The following ACSM2B variants were observed in gnomAD, a reference collection of about 807,000 sequenced individuals.
The protein encoded by ACSM2B is acyl-CoA synthetase medium chain family member 2B, also known as acyl-coenzyme A synthetase ACSM2B, mitochondrial.
A neutral mutation model predicts 78.6 loss-of-function variants in ACSM2B; 58 were observed. The observed-to-expected ratio is 0.74, with a 90% confidence interval of 0.60 to 0.92. The LOEUF (loss-of-function observed/expected upper bound fraction) is 0.92, where lower values mean the gene tolerates loss of function less well. Ranked by LOEUF, ACSM2B falls within the 40% of genes least tolerant of loss-of-function variation. The pLI, the probability that ACSM2B is intolerant of heterozygous loss-of-function variation, is 0.00. For missense variants in ACSM2B, 688 were observed against 711.2 expected (o/e 0.97, Z 0.37); for synonymous variants, 257 against 256.8 (o/e 1.00, Z -0.01).
intron 12 of ACSM2B, chr16:20,541,052 G>C (rs2014974915): frequency 4.0e-6 from 1 of 251,358 alleles, no homozygotes; most frequent in Non-Finnish European, 7.7e-6. Context: ...AAGATACAGG[G>C]GGAGAAAAGA....
chr16:20,540,966 G>T lies in ACSM2B; in HGVS notation c.1510-193C>A. 3 of 734,608 alleles carry T rather than the reference G, an allele frequency of 4.1e-6. 1 individual carries two copies. The South Asian group carries it at 8.0e-5, about 20-fold the overall frequency. 45.5% of individuals were successfully genotyped at this position (734,608 alleles called of 1,614,324 possible). On this transcript the variant is annotated intron_variant, in intron 12 of 13. Coordinates refer to ENST00000329697, the MANE Select transcript of ACSM2B (RefSeq NM_001105069.2). ...CAGCTCTCTCTGAAGTCGTTTATTG[G>T]AGGAGCAGGTGGACAATAGATTGAG...
chr16:20,555,958 A>T (rs1596720907), intron 3 of ACSM2B, among the ~76,000 whole-genome samples: 1 of 152,192 alleles, frequency 6.6e-6, no homozygotes, highest in East Asian at 1.9e-4. Flanking sequence ...CTTCAGTTTT[A>T]CATATCTATG....
Position 20,552,173 on chromosome 16 carries a change from G to A in ACSM2B, c.865C>T (p.Pro289Ser), listed in dbSNP as rs1472323104. The part of the protein sequence containing the change: ...LGACTFVHLL[P>S]KFDPLVILKT... The stretch of plus-strand genomic sequence containing the variant: ...AGAATAACCAGTGGGTCAAACTTTG[G>A]CAAGAGATGAACAAATGTGCATGCT... The change falls in exon 6 of 14, where the codon CCA becomes TCA. Residue 289 changes from proline (P) to serine (S), a missense_variant. Coordinates refer to ENST00000329697, the MANE Select transcript of ACSM2B (RefSeq NM_001105069.2). 6.2e-7 allele frequency: 1 copy of A among 1,613,262 alleles called. No individual in the cohort carries two copies.
chr16:20,567,148 GT>G (rs1372747930), intron 1 of ACSM2B, among the ~76,000 whole-genome samples: 1 of 131,400 alleles, frequency 7.6e-6, no homozygotes, highest in Non-Finnish European at 1.6e-5. Context: ...ATAATATATA[GT>G]ATAATAAGAT....
In ACSM2B at chr16:20,548,133, G is replaced by T; in HGVS notation, c.1027C>A (p.Pro343Thr). The T allele has an allele frequency of 6.2e-7, 1 of 1,614,068 alleles. No homozygotes were observed. Residue 343 changes from proline to threonine, a missense_variant, in exon 8 of 14, where the codon CCA becomes ACA. Pro to Thr is a conservative substitution (Grantham distance 38). Coordinates refer to ENST00000329697, the MANE Select transcript of ACSM2B (RefSeq NM_001105069.2). Reference sequence around the variant, plus strand: ...GCCCTCCAGTTCTCCAGAGTTTCTGGAAGAAGGGACTCCCCTCCAGCGAGG... The same window carrying T: ...GCCCTCCAGTTCTCCAGAGTTTCTGTAAGAAGGGACTCCCCTCCAGCGAGG... ...NCLAGGESLL[P>T]ETLENWRAQT...
intron 8 of ACSM2B, 106 bp downstream of exon 8, chr16:20,547,956 T>A (rs1198155814): frequency 6.4e-7 from 1 of 1,560,608 alleles, no homozygotes; most frequent in African/African-American, 1.4e-5. Context: ...AATAAATATT[T>A]CTCAAATAAA....
chr16:20,545,339 C>A, intron 9 of ACSM2B, 81 bp from the exon 10 acceptor site: 4 of 1,494,626 alleles, frequency 2.7e-6, no homozygotes, highest in Non-Finnish European at 2.7e-6. Context: ...CTGAGTTGGT[C>A]AAATGAAAGA....
chr16:20,540,890 CG>C, intron 12 of ACSM2B, 117 bp from the exon 13 acceptor site: 1 of 1,426,114 alleles, frequency 7.0e-7, no homozygotes, highest in South Asian at 1.5e-5. Context: ...TTTGCACCCC[CG>C]GTGATCCAGG....
rs1402921221 is a variant in ACSM2B at position 20,537,085 on chromosome 16, T to C, written c.*173A>G. ...TTTCACTCTCTCTCATTCCTTCCCT[T>C]TCTTATTTCAATATCTAACATAGTA... On this transcript the variant is annotated 3_prime_UTR_variant, in exon 14 of 14. Coordinates refer to ENST00000329697, the MANE Select transcript of ACSM2B (RefSeq NM_001105069.2). The C allele has an allele frequency of 1.3e-6, 1 of 742,472 alleles. No individual in the cohort carries two copies. The highest frequency in any genetic ancestry group is 2.7e-5 in the East Asian group (1 of 37,462). 46.0% of individuals were successfully genotyped at this position (742,472 alleles called of 1,614,324 possible).
rs762633960 is a variant in ACSM2B, at chr16:20,543,014, C to G, written c.1410-1G>C. 6.2e-7 allele frequency: 1 copy of G among 1,613,626 alleles called. No individual in the cohort carries two copies. The highest frequency in any genetic ancestry group is 8.5e-7 in the Non-Finnish European group (1 of 1,179,868). The stretch of plus-strand genomic sequence containing the variant: ...TACCTCCGAGGGTCCAATCCGGTAC[C>G]TGCAGAAGAACCTGTCCTTCAGAGA... On this transcript the variant is annotated splice_acceptor_variant, in intron 11 of 13. Transcript: ENST00000329697. LOFTEE classifies it high-confidence loss of function.
At chr16:20,546,871 A>C (rs1339351081) in intron 8 of ACSM2B, 1 of 175,690 alleles carries the variant, frequency 5.7e-6, no homozygotes, top group Non-Finnish European at 1.1e-5. Context: ...TGGTGTATCT[A>C]TTTATGGGAT....
At chr16:20,575,178 T>C (rs1324131887) in intron 1 of ACSM2B, among the ~76,000 whole-genome samples, 4 of 151,406 alleles carry the variant, frequency 2.6e-5, no homozygotes, top group African/African-American at 7.3e-5. Context: ...ACAAAAGAAC[T>C]CCATCCTTAA....
In ACSM2B at chr16:20,537,348, C is replaced by A. The variant is rs1424540541; in HGVS notation, c.1644G>T (p.Leu548Phe). The change falls in exon 14 of 14, where the codon TTG becomes TTT. Residue 548 changes from leucine (L) to phenylalanine (F), a missense_variant. Physicochemically the swap from Leu to Phe is conservative, Grantham distance 22. Transcript: ENST00000329697. The stretch of plus-strand genomic sequence containing the variant: ...TCCCTGTGACAGTCTTGGGCAGGTT[C>A]AAGACAAACTCTATCTGTTGAAAAA... ...YKYPRKIEFV[L>F]NLPKTVTGKI... 6.2e-7 allele frequency: 1 copy of A among 1,613,952 alleles called. No homozygotes were observed. Among genetic ancestry groups the A allele is most frequent in the Non-Finnish European group, 8.5e-7 (1 of 1,179,874 alleles).
chr16:20,557,623 A>T (rs1342010370), intron 3 of ACSM2B, among the ~76,000 whole-genome samples: 1 of 152,126 alleles, frequency 6.6e-6, no homozygotes, highest in Non-Finnish European at 1.5e-5. Flanking sequence ...TCCATCAATC[A>T]TTTCCCATTC....
rs557994953 is a variant in ACSM2B, at chr16:20,574,769, T to C, written c.-9+1438A>G. The stretch of plus-strand genomic sequence containing the variant: ...ACATGATAAGAGCTTATGTCTATTT[T>C]TCCACAATTTCAGTTCTTTCTCTAC... On this transcript the variant is annotated intron_variant, in intron 1 of 13. Coordinates refer to ENST00000329697, the MANE Select transcript of ACSM2B (RefSeq NM_001105069.2). The C allele has an allele frequency of 3.3e-5, 5 of 150,906 alleles. No homozygotes were observed. The South Asian group carries it at 8.4e-4, about 25-fold the overall frequency. The allele number at this position is 150,906 out of a possible 1,614,324, so 9.3% of individuals were successfully genotyped here.
rs1435572808 is a variant in ACSM2B, at chr16:20,566,634, GTA to G, written c.-8-1783_-8-1782del. 3.2e-4 allele frequency among the ~76,000 whole-genome samples: 13 copies of G among 40,254 alleles called. 1 individual carries two copies. The highest frequency in any genetic ancestry group is 1.1e-3 in the African/African-American group (7 of 6,296). The allele number at this position is 40,254 out of a possible 152,430, so 26.4% of individuals were successfully genotyped here. Reference sequence around the variant, plus strand: ...ACATATAGTATATATACTATATATAGTATATATATACTATACTATATATATGT... The same window carrying G: ...ACATATAGTATATATACTATATATAGTATATATACTATACTATATATATGT... On this transcript the variant is annotated intron_variant, in intron 1 of 13. Transcript: ENST00000329697.
chr16:20,549,308 C>A (rs1268539046), intron 6 of ACSM2B, among the ~76,000 whole-genome samples: 1 of 152,050 alleles, frequency 6.6e-6, no homozygotes, highest in African/African-American at 2.4e-5. Context: ...AAATTTATTT[C>A]TTGCAGTTCT....
chr16:20,567,820 A>C (rs2015973286), intron 1 of ACSM2B, among the ~76,000 whole-genome samples: 1 of 141,588 alleles, frequency 7.1e-6, no homozygotes, highest in Admixed American at 7.6e-5. Context: ...GTATGTATAG[A>C]TATATAAAAC....
intron 2 of ACSM2B, among the ~76,000 whole-genome samples, chr16:20,560,243 T>G (rs991217193): frequency 6.6e-6 from 1 of 151,622 alleles, no homozygotes; most frequent in Non-Finnish European, 1.5e-5. Flanking sequence ...TCTAGATACA[T>G]GATATTGTCT....
Sources: allele counts gnomAD v4.1 joint callset (sites outside exome capture counted in the v4.1 genomes callset), GRCh38; gene constraint gnomAD v4.1.1; transcripts MANE v1.5; gene names NCBI Gene and HGNC (gene_info 2026-07-23, HGNC 2026-07-21).